Variants in CLSTN2 observed in about 807,000 individuals in gnomAD.
The protein encoded by CLSTN2 is calsyntenin-2.
In CLSTN2, 48 loss-of-function variants were observed where a neutral mutation model predicts 101.2. The observed-to-expected ratio is 0.47, with a 90% CI of 0.38 to 0.60. CLSTN2 has a LOEUF of 0.60. Ranked by LOEUF, CLSTN2 falls within the 20% of genes least tolerant of loss-of-function variation. The pLI is 0.00. For missense variants in CLSTN2, 1,160 were observed against 1,238.2 expected (o/e 0.94, Z 0.95); for synonymous variants, 481 against 463.6 (o/e 1.04, Z -0.48).
At chr3:140,441,080 C>A (rs1448322309) in intron 5 of CLSTN2, among the ~76,000 whole-genome samples, 1 of 152,172 alleles carries the variant, frequency 6.6e-6, no homozygotes, top group Admixed American at 6.5e-5. Context: ...TGGTTGTAGA[C>A]CCATAATAGC....
intron 1 of CLSTN2, among the ~76,000 whole-genome samples, chr3:140,046,739 T>C (rs1052141520): frequency 6.6e-6 from 1 of 152,216 alleles, no homozygotes; most frequent in African/African-American, 2.4e-5. Flanking sequence ...CATTTGCTTG[T>C]CTGTAAAGGA....
chr3:140,414,107 T>G (rs918125462), intron 4 of CLSTN2, among the ~76,000 whole-genome samples: 1 of 152,028 alleles, frequency 6.6e-6, no homozygotes, highest in African/African-American at 2.4e-5. Flanking sequence ...ATAAGTAAAA[T>G]TGTCTGTTTG....
At chr3:140,323,122 A>G (rs1463659735) in intron 2 of CLSTN2, among the ~76,000 whole-genome samples, 1 of 152,232 alleles carries the variant, frequency 6.6e-6, no homozygotes, top group Non-Finnish European at 1.5e-5. Flanking sequence ...AAAGAAAGCC[A>G]GGAAACGGAG....
chr3:140,535,407 G>A (rs1935338472), intron 9 of CLSTN2, among the ~76,000 whole-genome samples: 2 of 152,178 alleles, frequency 1.3e-5, no homozygotes, highest in Non-Finnish European at 2.9e-5. Flanking sequence ...CTCTACTATT[G>A]TATCTCATTA....
intron 2 of CLSTN2, among the ~76,000 whole-genome samples, chr3:140,349,101 G>A (rs961657530): frequency 6.6e-6 from 1 of 152,204 alleles, no homozygotes; most frequent in Non-Finnish European, 1.5e-5. Flanking sequence ...GAGTTCTTAT[G>A]AGGTGGTTTT....
intron 2 of CLSTN2, among the ~76,000 whole-genome samples, chr3:140,327,159 T>C (rs940727272): frequency 1.3e-5 from 2 of 152,080 alleles, no homozygotes; most frequent in Non-Finnish European, 2.9e-5. Context: ...CATATACACA[T>C]GCGCTGAATG....
At chr3:140,149,466 T>C (rs1409292957) in intron 1 of CLSTN2, among the ~76,000 whole-genome samples, 1 of 1,722 alleles carries the variant, frequency 5.8e-4, no homozygotes, top group African/African-American at 6.4e-4. Context: ...TAAATAGCAT[T>C]TTTTTTTTTA....
intron 1 of CLSTN2, among the ~76,000 whole-genome samples, chr3:140,089,971 CTTTTTTTTTTTT>C (rs58418539): frequency 8.1e-5 from 4 of 49,650 alleles, no homozygotes; most frequent in Admixed American, 6.5e-4. Context: ...CTAGGATTGG[CTTTTTTTTTTTT>C]TTTTTTTTTT....
chr3:140,357,227 A>G (rs1576530514), intron 2 of CLSTN2, among the ~76,000 whole-genome samples: 2 of 152,216 alleles, frequency 1.3e-5, no homozygotes, highest in Admixed American at 1.3e-4. Flanking sequence ...TTAAATTGCC[A>G]GAAATATTAC....
intron 4 of CLSTN2, among the ~76,000 whole-genome samples, chr3:140,419,018 T>C (rs1248777020): frequency 7.1e-6 from 1 of 141,082 alleles, no homozygotes. Flanking sequence ...TATTGTGTAA[T>C]TGGTGGACCT....
chr3:140,537,077 T>C (rs1443457218), intron 9 of CLSTN2, among the ~76,000 whole-genome samples: 2 of 152,372 alleles, frequency 1.3e-5, no homozygotes, highest in East Asian at 3.9e-4. Context: ...TCCACTTATA[T>C]ACATAGTATA....
At chr3:140,016,582 T>C (rs2007206033) in intron 1 of CLSTN2, among the ~76,000 whole-genome samples, 1 of 151,932 alleles carries the variant, frequency 6.6e-6, no homozygotes, top group East Asian at 1.9e-4. Context: ...GGGCGGATCA[T>C]GAGGTCAGGA....
rs756807477 is a variant in CLSTN2 at position 140,421,282 on chromosome 3, T to A, written c.787+8T>A. ...GCAAGCCTGGCTGGCAAGGTGGGCC[T>A]GTTTTATCAGTCTTGTGTGAAGGCA... On this transcript the variant is annotated splice_region_variant and intron_variant, in intron 5 of 16. Coordinates refer to ENST00000458420, the MANE Select transcript of CLSTN2 (RefSeq NM_022131.3). The A allele has an allele frequency of 4.6e-5, 75 of 1,613,902 alleles. No homozygotes were observed. Among genetic ancestry groups the A allele is most frequent in the Non-Finnish European group, 6.3e-5 (74 of 1,179,984 alleles).
intron 2 of CLSTN2, among the ~76,000 whole-genome samples, chr3:140,364,539 G>C (rs945768130): frequency 4.6e-5 from 7 of 152,174 alleles, no homozygotes; most frequent in Admixed American, 4.6e-4. Flanking sequence ...TGAGGAGCAA[G>C]GGTACCTATG....
intron 5 of CLSTN2, among the ~76,000 whole-genome samples, chr3:140,439,800 A>G (rs1404704218): frequency 6.6e-6 from 1 of 152,196 alleles, no homozygotes; most frequent in Non-Finnish European, 1.5e-5. Flanking sequence ...TCCCATTTTA[A>G]TGCCTAGCAG....
intron 9 of CLSTN2, among the ~76,000 whole-genome samples, chr3:140,535,857 T>G (rs967158068): frequency 6.6e-6 from 1 of 152,226 alleles, no homozygotes; most frequent in Non-Finnish European, 1.5e-5. Context: ...TGCCCTCTAT[T>G]GCTAATTGGT....
chr3:140,007,235 C>T (rs979910791), intron 1 of CLSTN2, among the ~76,000 whole-genome samples: 2 of 152,192 alleles, frequency 1.3e-5, no homozygotes, highest in South Asian at 2.1e-4. Context: ...AAATAGCACT[C>T]AGAAAGCCCT....
At chr3:140,345,549 C>T (rs1011453094) in intron 2 of CLSTN2, among the ~76,000 whole-genome samples, 4 of 151,218 alleles carry the variant, frequency 2.6e-5, no homozygotes, top group South Asian at 2.1e-4. Flanking sequence ...CGCGCCCGGC[C>T]GGATATAGCC....
At chr3:140,122,598 G>A (rs1046258886) in intron 1 of CLSTN2, among the ~76,000 whole-genome samples, 1 of 152,172 alleles carries the variant, frequency 6.6e-6, no homozygotes, top group Non-Finnish European at 1.5e-5. Flanking sequence ...GGCTGGAAAT[G>A]CAATATTAAT....
Sources: allele counts gnomAD v4.1 joint callset (sites outside exome capture counted in the v4.1 genomes callset), GRCh38; gene constraint gnomAD v4.1.1; transcripts MANE v1.5; gene names NCBI Gene and HGNC (gene_info 2026-07-23, HGNC 2026-07-21).